The following ZRANB3 variants were observed in gnomAD, a reference collection of about 807,000 sequenced individuals.
The protein encoded by ZRANB3 is DNA annealing helicase and endonuclease ZRANB3.
ZRANB3 carries 125 observed loss-of-function variants against 133.8 expected under a neutral mutation model. The ratio of observed to expected loss-of-function variants is 0.93; its 90% CI spans 0.81 to 1.08. The LOEUF is 1.08. Ranked by LOEUF, ZRANB3 falls within the 50% of genes least tolerant of loss-of-function variation. The pLI is 0.00. For synonymous variants in ZRANB3, 387 were observed against 432.7 expected (o/e 0.89, Z 1.31); for missense variants, 1,229 against 1,275.5 (o/e 0.96, Z 0.56).
chr2:135,375,639 T>G (rs1351323235), intron 3 of ZRANB3, among the ~76,000 whole-genome samples: 1 of 151,502 alleles, frequency 6.6e-6, no homozygotes, highest in African/African-American at 2.4e-5. Context: ...GAGCCGAGAT[T>G]GTGCCACTGC....
chr2:135,258,925 A>G (rs1679799593), intron 12 of ZRANB3, among the ~76,000 whole-genome samples: 1 of 152,256 alleles, frequency 6.6e-6, no homozygotes, highest in African/African-American at 2.4e-5. Context: ...TATTTTTTGT[A>G]TATACGAGAC....
chr2:135,321,492 G>A (rs75644105), intron 6 of ZRANB3, among the ~76,000 whole-genome samples: 1 of 73,414 alleles, frequency 1.4e-5, no homozygotes, highest in East Asian at 3.8e-4. Flanking sequence ...TTTTTTTTTT[G>A]AGACAGAGTC....
intron 6 of ZRANB3, among the ~76,000 whole-genome samples, chr2:135,321,951 C>T (rs1683547305): frequency 6.6e-6 from 1 of 152,046 alleles, no homozygotes. Flanking sequence ...AAATTCATCA[C>T]TTTTGTCTTT....
intron 8 of ZRANB3, among the ~76,000 whole-genome samples, chr2:135,295,741 C>T (rs1179807795): frequency 6.6e-6 from 1 of 152,086 alleles, no homozygotes; most frequent in African/African-American, 2.4e-5. Context: ...ATGTTTAGTG[C>T]TTCCTTCAGG....
intron 3 of ZRANB3, among the ~76,000 whole-genome samples, chr2:135,383,232 A>G (rs1686806610): frequency 6.6e-6 from 1 of 152,212 alleles, no homozygotes; most frequent in Non-Finnish European, 1.5e-5. Flanking sequence ...ACCAACAAAG[A>G]TCAAAAGAGA....
chr2:135,360,938 T>G (rs1286061407), intron 3 of ZRANB3, among the ~76,000 whole-genome samples: 2 of 89,492 alleles, frequency 2.2e-5, no homozygotes, highest in Non-Finnish European at 3.6e-5. Context: ...GTTTTTGGTT[T>G]GTTTGTTTGT....
intron 1 of ZRANB3, among the ~76,000 whole-genome samples, chr2:135,520,653 C>T (rs538513295): frequency 1.2e-4 from 18 of 151,860 alleles, no homozygotes; most frequent in African/African-American, 3.4e-4. Context: ...GGTGTGCTCT[C>T]GGCTCACTGC....
chr2:135,322,885 C>T (rs1455868187), intron 6 of ZRANB3, among the ~76,000 whole-genome samples: 6 of 151,480 alleles, frequency 4.0e-5, no homozygotes, highest in Admixed American at 6.6e-5. Context: ...TGAGTGGTGG[C>T]GGGCACCTGT....
chr2:135,464,869 T>A (rs1263320781), intron 2 of ZRANB3, among the ~76,000 whole-genome samples: 1 of 152,198 alleles, frequency 6.6e-6, no homozygotes, highest in East Asian at 1.9e-4. Context: ...GTTGGGACAC[T>A]ACCTCTGTTT....
At chr2:135,375,821 AC>A (rs1277929844) in intron 3 of ZRANB3, among the ~76,000 whole-genome samples, 2 of 151,982 alleles carry the variant, frequency 1.3e-5, no homozygotes, top group Non-Finnish European at 2.9e-5. Context: ...ATGCCACTGC[AC>A]GCCAGCCTGG....
chr2:135,476,560 T>C (rs1283745307), intron 2 of ZRANB3, among the ~76,000 whole-genome samples: 1 of 152,014 alleles, frequency 6.6e-6, no homozygotes. Context: ...AATGTTTAGA[T>C]AAAACAAAAG....
intron 8 of ZRANB3, among the ~76,000 whole-genome samples, chr2:135,293,122 T>C (rs1306699740): frequency 1.3e-5 from 2 of 152,188 alleles, no homozygotes; most frequent in African/African-American, 4.8e-5. Context: ...TTTTTTCCAA[T>C]TCTGTGAAGA....
intron 2 of ZRANB3, among the ~76,000 whole-genome samples, chr2:135,392,488 G>A (rs971848113): frequency 2.0e-5 from 3 of 151,824 alleles, no homozygotes; most frequent in African/African-American, 7.3e-5. Context: ...GGTGGCTAAC[G>A]CCTGTAATCC....
chr2:135,435,376 C>G (rs1219812370), intron 2 of ZRANB3, among the ~76,000 whole-genome samples: 1 of 152,100 alleles, frequency 6.6e-6, no homozygotes, highest in East Asian at 1.9e-4. Context: ...ATCACATTTT[C>G]TTTATTCAGT....
intron 1 of ZRANB3, chr2:135,512,039 T>C: frequency 1.9e-6 from 1 of 540,252 alleles, no homozygotes; most frequent in Non-Finnish European, 3.4e-6. Context: ...ACAGCACTGA[T>C]GATGGCAGAA....
chr2:135,237,578 T>C (rs1425358484), intron 12 of ZRANB3, among the ~76,000 whole-genome samples: 2 of 151,488 alleles, frequency 1.3e-5, no homozygotes, highest in African/African-American at 4.9e-5. Context: ...TAAGAAAATG[T>C]GGCACATATA....
At chr2:135,456,741 G>A (rs538250287) in intron 2 of ZRANB3, among the ~76,000 whole-genome samples, 3 of 152,110 alleles carry the variant, frequency 2.0e-5, no homozygotes, top group African/African-American at 7.2e-5. Context: ...TTTTTACGTG[G>A]ATACAAAGTA....
intron 12 of ZRANB3, among the ~76,000 whole-genome samples, chr2:135,236,134 T>C (rs1695272419): frequency 6.6e-6 from 1 of 152,312 alleles, no homozygotes; most frequent in East Asian, 1.9e-4. Flanking sequence ...AGCATTCTTA[T>C]ACACCATCAA....
At chr2:135,444,149 A>G (rs1051339537) in intron 2 of ZRANB3, among the ~76,000 whole-genome samples, 14 of 152,100 alleles carry the variant, frequency 9.2e-5, no homozygotes, top group African/African-American at 2.9e-4. Context: ...GAGAAACTGG[A>G]ACCGTCATAT....
Sources: gnomAD v4.1 joint callset for allele counts (sites outside exome capture counted in the v4.1 genomes callset) on GRCh38, gnomAD v4.1.1 for gene constraint, MANE v1.5 for transcripts, NCBI Gene and HGNC (gene_info 2026-07-23, HGNC 2026-07-21) for gene names.